Variants in NCAM2 observed in about 807,000 individuals in gnomAD.
The protein encoded by NCAM2 is N-CAM-2.
Under a neutral mutation model 98.1 loss-of-function variants are expected in NCAM2, and 30 were observed. The ratio of observed to expected loss-of-function variants is 0.31; its 90% CI spans 0.23 to 0.41. The LOEUF (loss-of-function observed/expected upper bound fraction) is 0.41, where lower values mean the gene tolerates loss of function less well. NCAM2 is among the 10% of genes least tolerant of loss of function. The probability of loss-of-function intolerance (pLI) is 1.00; values close to 1 mark genes in which losing one functional copy is unlikely to be tolerated. For missense variants in NCAM2, 867 were observed against 1,005.8 expected (o/e 0.86, Z 1.87); for synonymous variants, 368 against 342.4 (o/e 1.07, Z -0.83).
chr21:21,133,514 A>T (rs961535733), intron 1 of NCAM2, among the ~76,000 whole-genome samples: 2 of 152,174 alleles, frequency 1.3e-5, no homozygotes, highest in Non-Finnish European at 2.9e-5. Flanking sequence ...GGAGTACCAA[A>T]TGGGAAAAGA....
At chr21:21,000,213 A>G (rs1219783738) in intron 1 of NCAM2, among the ~76,000 whole-genome samples, 1 of 152,202 alleles carries the variant, frequency 6.6e-6, no homozygotes, top group Non-Finnish European at 1.5e-5. Flanking sequence ...TATAGCATAG[A>G]CAGGTATTTT....
At chr21:21,132,414 C>A (rs1443202663) in intron 1 of NCAM2, among the ~76,000 whole-genome samples, 2 of 147,490 alleles carry the variant, frequency 1.4e-5, no homozygotes, top group African/African-American at 2.5e-5. Flanking sequence ...TCATATAATT[C>A]AACATATTCA....
chr21:21,280,550 C>T (rs1268963932), intron 1 of NCAM2, 28 bp from the exon 2 acceptor site: 3 of 1,490,604 alleles, frequency 2.0e-6, no homozygotes, highest in Non-Finnish European at 2.8e-6. Context: ...TAAAAATCAC[C>T]ATTAATTGTT....
rs1487266030 is a variant in NCAM2, at chr21:21,541,362, C to T, written c.*3405C>T. On this transcript the variant is annotated 3_prime_UTR_variant, in exon 18 of 18. Transcript: ENST00000400546. ...TTAAGTTCAATTCAAACTATTTTAC[C>T]TTGAATATAAAATCTAAATATAATA... 1 of 151,278 alleles carries T rather than the reference C, an allele frequency of 6.6e-6. No individual in the cohort carries two copies. The highest frequency in any genetic ancestry group is 6.6e-5 in the Admixed American group (1 of 15,154). The allele number at this position is 151,278 out of a possible 1,614,324, so 9.4% of individuals were successfully genotyped here.
intron 3 of NCAM2, among the ~76,000 whole-genome samples, chr21:21,285,913 G>T (rs1033167553): frequency 6.6e-6 from 1 of 151,898 alleles, no homozygotes; most frequent in Non-Finnish European, 1.5e-5. Flanking sequence ...ATGAATTGAA[G>T]GCGGTGCAAA....
chr21:21,217,453 G>A (rs1286095910), intron 1 of NCAM2, among the ~76,000 whole-genome samples: 2 of 152,008 alleles, frequency 1.3e-5, no homozygotes, highest in Non-Finnish European at 2.9e-5. Flanking sequence ...ACTTAATTAT[G>A]TCTCTGTTGC....
At chr21:21,170,366 A>G (rs2068083497) in intron 1 of NCAM2, among the ~76,000 whole-genome samples, 1 of 152,366 alleles carries the variant, frequency 6.6e-6, no homozygotes, top group South Asian at 2.1e-4. Context: ...TAATACATCC[A>G]GATAATGGAA....
chr21:21,183,164 G>T (rs1476378441), intron 1 of NCAM2, among the ~76,000 whole-genome samples: 2 of 152,116 alleles, frequency 1.3e-5, no homozygotes, highest in Non-Finnish European at 2.9e-5. Flanking sequence ...TTTGCAGTCT[G>T]TACTACAACC....
intron 9 of NCAM2, among the ~76,000 whole-genome samples, chr21:21,400,975 A>G (rs2076616799): frequency 1.3e-5 from 2 of 152,092 alleles, no homozygotes; most frequent in African/African-American, 4.8e-5. Context: ...GGAATTTGGG[A>G]AGAATTTATC....
chr21:21,261,898 A>G (rs2071914623), intron 1 of NCAM2, among the ~76,000 whole-genome samples: 1 of 152,114 alleles, frequency 6.6e-6, no homozygotes, highest in African/African-American at 2.4e-5. Context: ...AAAAAATCAT[A>G]CAAAGAATTA....
chr21:21,434,763 T>C (rs1418844092), intron 12 of NCAM2, among the ~76,000 whole-genome samples: 1 of 152,220 alleles, frequency 6.6e-6, no homozygotes, highest in Non-Finnish European at 1.5e-5. Context: ...TTAAAACTTA[T>C]AATAATGTTT....
At chr21:21,026,855 C>CTTCT (rs1205267521) in intron 1 of NCAM2, among the ~76,000 whole-genome samples, 26 of 126,814 alleles carry the variant, frequency 2.1e-4, no homozygotes, top group African/African-American at 7.4e-4. Context: ...TCTTCTTCTT[C>CTTCT]TTTTTTTTTT....
intron 1 of NCAM2, among the ~76,000 whole-genome samples, chr21:21,270,142 T>C (rs1257650510): frequency 6.6e-6 from 1 of 152,202 alleles, no homozygotes; most frequent in African/African-American, 2.4e-5. Flanking sequence ...CTATGTTCTA[T>C]GTTGACTTCA....
intron 1 of NCAM2, among the ~76,000 whole-genome samples, chr21:21,183,446 A>G (rs987619392): frequency 2.0e-5 from 3 of 152,166 alleles, no homozygotes; most frequent in Admixed American, 1.3e-4. Flanking sequence ...TGGCAGTAGT[A>G]AGTAAGAGAT....
At chr21:20,999,819 A>G (rs2063986466) in intron 1 of NCAM2, among the ~76,000 whole-genome samples, 1 of 152,138 alleles carries the variant, frequency 6.6e-6, no homozygotes, top group Non-Finnish European at 1.5e-5. Flanking sequence ...TCTTCCACAG[A>G]GTCCTTCTAT....
intron 14 of NCAM2, among the ~76,000 whole-genome samples, 156 bp downstream of exon 14, chr21:21,468,939 T>A (rs1984074254): frequency 6.6e-6 from 1 of 151,974 alleles, no homozygotes; most frequent in Admixed American, 6.6e-5. Context: ...CATTGTGATT[T>A]TTTTTTATTT....
intron 15 of NCAM2, among the ~76,000 whole-genome samples, chr21:21,480,871 T>C (rs890940432): frequency 1.3e-5 from 2 of 152,220 alleles, no homozygotes; most frequent in Non-Finnish European, 2.9e-5. Flanking sequence ...AACTAGAACA[T>C]TGCTGATGTC....
chr21:21,029,686 A>G (rs1327347061), intron 1 of NCAM2, among the ~76,000 whole-genome samples: 1 of 151,964 alleles, frequency 6.6e-6, no homozygotes. Flanking sequence ...GCTGGAGTAC[A>G]GTGGCGCGAT....
chr21:21,450,377 T>C (rs1011435591), intron 12 of NCAM2, among the ~76,000 whole-genome samples: 7 of 151,884 alleles, frequency 4.6e-5, no homozygotes, highest in Non-Finnish European at 1.0e-4. Context: ...AGGGTTTCGC[T>C]CTATCACCCA....
Sources: gnomAD v4.1 joint callset for allele counts (sites outside exome capture counted in the v4.1 genomes callset) on GRCh38, gnomAD v4.1.1 for gene constraint, MANE v1.5 for transcripts, NCBI Gene and HGNC (gene_info 2026-07-23, HGNC 2026-07-21) for gene names.